The following KIF21A variants were observed in gnomAD, a reference collection of about 807,000 sequenced individuals.
KIF21A encodes the protein kinesin family member 21A, also known as kinesin-like protein KIF21A.
KIF21A carries 114 observed loss-of-function variants against 202.9 expected under a neutral mutation model. The ratio of observed to expected loss-of-function variants is 0.56; its 90% confidence interval spans 0.48 to 0.66. The LOEUF (loss-of-function observed/expected upper bound fraction) is 0.66. Among genes scored for constraint, KIF21A ranks in the 30% least tolerant of loss-of-function variants. The probability of loss-of-function intolerance (pLI) is 0.00; values close to 1 mark genes in which losing one functional copy is unlikely to be tolerated. For synonymous variants in KIF21A, 667 were observed against 670.8 expected (o/e 0.99, Z 0.09); for missense variants, 1,677 against 1,994.9 (o/e 0.84, Z 3.04).
chr12:39,346,517 G>A lies in KIF21A; in HGVS notation c.1674-13C>T, dbSNP rs1374324529. 3.4e-6 allele frequency: 5 copies of A among 1,479,886 alleles called. No individual in the cohort carries two copies. Among genetic ancestry groups the A allele is most frequent in the Non-Finnish European group, 4.5e-6 (5 of 1,117,854 alleles). The allele number at this position is 1,479,886 out of a possible 1,614,324, so 91.7% of individuals were successfully genotyped here. On this transcript the variant is annotated splice_polypyrimidine_tract_variant and intron_variant, in intron 11 of 37. Transcript: ENST00000361418. The stretch of plus-strand genomic sequence containing the variant: ...AAGTTTCTGTAGCCTTCAAAATCAC[G>A]AGGCACAGTATTGGAAGGCCAAGCC...
chr12:39,371,411 TG>T (rs1949947961), intron 1 of KIF21A, among the ~76,000 whole-genome samples: 1 of 152,168 alleles, frequency 6.6e-6, no homozygotes, highest in Non-Finnish European at 1.5e-5. Context: ...CCATCCTATC[TG>T]TCTTCCCTCT....
chr12:39,384,282 C>T (rs1163914598), intron 1 of KIF21A, among the ~76,000 whole-genome samples: 1 of 152,114 alleles, frequency 6.6e-6, no homozygotes, highest in East Asian at 1.9e-4. Flanking sequence ...GCTGTCTTAA[C>T]ATTATCTGTA....
Position 39,341,596 on chromosome 12 carries a change from A to G in KIF21A, c.1830T>C (p.His610=). The part of the protein sequence containing the change: ...EVEESQEVSD[H]EDEEEEEEEE... ...CCTCCTCCTCCTCTTCTTCATCCTC[A>G]TGATCACTCACTTCTTGACTTTCTT... Residue 610 remains histidine, a synonymous_variant, in exon 14 of 38, where the codon CAT becomes CAC. Transcript: ENST00000361418. 1 of 1,609,914 alleles carries G rather than the reference A, an allele frequency of 6.2e-7. No homozygotes were observed. The highest frequency in any genetic ancestry group is 8.5e-7 in the Non-Finnish European group (1 of 1,177,762).
chr12:39,307,983 C>G (rs1943641179), intron 33 of KIF21A, among the ~76,000 whole-genome samples: 1 of 152,004 alleles, frequency 6.6e-6, no homozygotes, highest in African/African-American at 2.4e-5. Context: ...AAAACTCTTA[C>G]TTGGTATACT....
intron 7 of KIF21A, among the ~76,000 whole-genome samples, chr12:39,362,598 A>G (rs1207775956): frequency 6.6e-6 from 1 of 152,142 alleles, no homozygotes; most frequent in East Asian, 1.9e-4. Context: ...AACACTCTGT[A>G]TTTCATTCAG....
At chr12:39,382,808 A>C (rs139274247) in intron 1 of KIF21A, among the ~76,000 whole-genome samples, 4 of 152,334 alleles carry the variant, frequency 2.6e-5, no homozygotes, top group African/African-American at 9.6e-5. Flanking sequence ...ACAAAACAGC[A>C]TGTGGAGTGA....
intron 1 of KIF21A, among the ~76,000 whole-genome samples, chr12:39,379,017 G>T (rs1395152906): frequency 4.6e-5 from 7 of 152,020 alleles, no homozygotes; most frequent in African/African-American, 1.4e-4. Context: ...AGTCCTTAGG[G>T]GCAGAAGCAC....
intron 33 of KIF21A, among the ~76,000 whole-genome samples, chr12:39,309,015 C>T (rs897270290): frequency 2.0e-5 from 3 of 152,096 alleles, no homozygotes; most frequent in Non-Finnish European, 4.4e-5. Context: ...AAAAGAATCA[C>T]TTGTTCTACA....
chr12:39,318,127 T>G lies in KIF21A; in HGVS notation c.3854A>C (p.Asn1285Thr), dbSNP rs150630573. 2.5e-4 allele frequency: 405 copies of G among 1,613,380 alleles called. No individual in the cohort carries two copies. The African/African-American group carries it at 5.0e-3, about 20-fold the overall frequency. Residue 1285 changes from asparagine (N) to threonine (T), a missense_variant, in exon 29 of 38, where the codon AAT becomes ACT. By Grantham distance (65) the Asn-to-Thr change is moderately conservative. Coordinates refer to ENST00000361418, the MANE Select transcript of KIF21A (RefSeq NM_001173464.2). Reference sequence around the variant, plus strand: ...AGAAACAGTAAGACGATTAAAAACATTCAGTTCATTACGGGGCCGGCTTGG... The same window carrying G: ...AGAAACAGTAAGACGATTAAAAACAGTCAGTTCATTACGGGGCCGGCTTGG... ...SPPSRPRNEL[N>T]VFNRLTVSQG...
At chr12:39,440,792 C>T (rs188162183) in intron 1 of KIF21A, among the ~76,000 whole-genome samples, 85 of 152,186 alleles carry the variant, frequency 5.6e-4, no homozygotes, top group African/African-American at 2.0e-3. Flanking sequence ...TTGGGAGGGA[C>T]GGCTTGAGCC....
chr12:39,294,219 T>G lies in KIF21A; in HGVS notation c.*205A>C. 1.9e-6 allele frequency: 1 copy of G among 521,054 alleles called. No individual in the cohort carries two copies. Among genetic ancestry groups the G allele is most frequent in the Non-Finnish European group, 3.5e-6 (1 of 287,528 alleles). The allele number at this position is 521,054 out of a possible 1,614,324, so 32.3% of individuals were successfully genotyped here. Reference sequence around the variant, plus strand: ...AGCAATATATCAATTGTAGGATATATATCTATTGGTTGATCTTAAAACTAA... The same window carrying G: ...AGCAATATATCAATTGTAGGATATAGATCTATTGGTTGATCTTAAAACTAA... On this transcript the variant is annotated 3_prime_UTR_variant, in exon 38 of 38. Transcript: ENST00000361418.
intron 7 of KIF21A, among the ~76,000 whole-genome samples, chr12:39,362,679 C>T (rs564460695): frequency 4.0e-5 from 6 of 151,734 alleles, no homozygotes; most frequent in Non-Finnish European, 7.4e-5. Context: ...AAAAAAAGTA[C>T]CAATAATATT....
chr12:39,315,690 T>C (rs1335961301), intron 30 of KIF21A, among the ~76,000 whole-genome samples: 1 of 151,886 alleles, frequency 6.6e-6, no homozygotes, highest in African/African-American at 2.4e-5. Context: ...AAGATTCAGA[T>C]TACAGACAGA....
intron 11 of KIF21A, among the ~76,000 whole-genome samples, chr12:39,349,808 T>C (rs1243814692): frequency 6.6e-6 from 1 of 152,064 alleles, no homozygotes; most frequent in Non-Finnish European, 1.5e-5. Context: ...TATAAATTTT[T>C]ATATGTAGCA....
At chr12:39,414,331 C>A (rs1393436832) in intron 1 of KIF21A, among the ~76,000 whole-genome samples, 2 of 152,148 alleles carry the variant, frequency 1.3e-5, no homozygotes, top group Admixed American at 1.3e-4. Context: ...CACTATGAAA[C>A]CATTAATGGT....
Position 39,369,724 on chromosome 12 carries a change from A to G in KIF21A, c.450+5T>C, listed in dbSNP as rs1313973733. The G allele has an allele frequency of 1.2e-6, 2 of 1,608,620 alleles. No individual in the cohort carries two copies. Among genetic ancestry groups the G allele is most frequent in the African/African-American group, 1.3e-5 (1 of 74,736 alleles). Reference sequence around the variant, plus strand: ...AAGAAATTAATGCCAAAATTGGATTATTACCTCTAAGAATTGGGCATTCAC... The same window carrying G: ...AAGAAATTAATGCCAAAATTGGATTGTTACCTCTAAGAATTGGGCATTCAC... On this transcript the variant is annotated splice_donor_5th_base_variant and intron_variant, in intron 3 of 37. Coordinates refer to ENST00000361418, the MANE Select transcript of KIF21A (RefSeq NM_001173464.2).
At position 39,389,179 on chromosome 12, in the gene KIF21A, T is replaced by C. The variant is rs1007569140; in HGVS notation, c.45-18918A>G. Among the ~76,000 whole-genome samples the C allele has an allele frequency of 7.0e-5, 10 of 142,172 alleles. No homozygotes were observed. The East Asian group carries it at 1.0e-3, about 15-fold the overall frequency. The allele number at this position is 142,172 out of a possible 152,430, so 93.3% of individuals were successfully genotyped here. A position where few individuals can be genotyped will look rare whatever the true frequency, so the allele number is the denominator to read the frequency against. On this transcript the variant is annotated intron_variant, in intron 1 of 37. Coordinates refer to ENST00000361418, the MANE Select transcript of KIF21A (RefSeq NM_001173464.2). ...TTAATATTTATTCAGTAAATACACATACACACACACACACACACACACACA... is the reference window on the plus strand; with the variant it reads ...TTAATATTTATTCAGTAAATACACACACACACACACACACACACACACACA...
At chr12:39,314,649 G>A (rs1301324590) in intron 31 of KIF21A, among the ~76,000 whole-genome samples, 1 of 151,732 alleles carries the variant, frequency 6.6e-6, no homozygotes, top group Non-Finnish European at 1.5e-5. Context: ...ATGTAATACT[G>A]TGTCTCCAAA....
chr12:39,379,332 A>C (rs931625059), intron 1 of KIF21A, among the ~76,000 whole-genome samples: 12 of 152,046 alleles, frequency 7.9e-5, no homozygotes, highest in Non-Finnish European at 1.3e-4. Flanking sequence ...TGTCTAAAAA[A>C]AAAAAAAAAA....
Sources: allele counts gnomAD v4.1 joint callset (sites outside exome capture counted in the v4.1 genomes callset), GRCh38; gene constraint gnomAD v4.1.1; transcripts MANE v1.5; gene names NCBI Gene and HGNC (gene_info 2026-07-23, HGNC 2026-07-21).